SLAMF1: variants seen among roughly 807,000 people sequenced by gnomAD.
SLAMF1 encodes signaling lymphocytic activation molecule family member 1, also known as signaling lymphocytic activation molecule.
In SLAMF1, 18 loss-of-function variants were observed where a neutral mutation model predicts 35.1. The ratio of observed to expected loss-of-function variants is 0.51; its 90% CI spans 0.35 to 0.76. The LOEUF is 0.76. SLAMF1 is among the 30% of genes least tolerant of loss of function. The pLI, the probability that SLAMF1 is intolerant of heterozygous loss-of-function variation, is 0.01. For synonymous variants in SLAMF1, 168 were observed against 157.2 expected (o/e 1.07, Z -0.51); for missense variants, 392 against 413.0 (o/e 0.95, Z 0.44).
At chr1:160,618,069 TCAAAAAACAAAAAA>T (rs66648848) in intron 5 of SLAMF1, among the ~76,000 whole-genome samples, 14 of 151,070 alleles carry the variant, frequency 9.3e-5, no homozygotes, top group Admixed American at 2.6e-4. Context: ...CAAGACTCTG[TCAAAAAACAAAAAA>T]CAAAAAACAA....
Position 160,619,823 on chromosome 1 carries a change from C to T in SLAMF1, c.817G>A (p.Val273Met), listed in dbSNP as rs1411253136. 2 of 1,612,312 alleles carry T rather than the reference C, an allele frequency of 1.2e-6. No homozygotes were observed. Among genetic ancestry groups the T allele is most frequent in the Admixed American group, 1.7e-5 (1 of 60,010 alleles). The change falls in exon 5 of 7, where the codon GTG (valine) becomes ATG (methionine). Residue 273 changes from valine (V) to methionine (M), a missense_variant. Physicochemically the swap from Val to Met is conservative, Grantham distance 21. Transcript: ENST00000302035. ...RGKTNHYQTT[V>M]EKKSLTIYAQ... ...TAGATCGTAAGGCTTTTTTTTTCCACTGTTGTCTGGTAATGGTTCGTTTTA... is the reference window on the plus strand; with the variant it reads ...TAGATCGTAAGGCTTTTTTTTTCCATTGTTGTCTGGTAATGGTTCGTTTTA...
At chr1:160,623,483 G>A (rs989279886) in intron 4 of SLAMF1, 2 of 398,462 alleles carry the variant, frequency 5.0e-6, no homozygotes, top group African/African-American at 4.1e-5. Flanking sequence ...AGTGTTATGA[G>A]GATCAAGTTC....
At chr1:160,639,970 T>G (rs942234948) in intron 1 of SLAMF1, among the ~76,000 whole-genome samples, 2 of 152,086 alleles carry the variant, frequency 1.3e-5, no homozygotes, top group Non-Finnish European at 2.9e-5. Flanking sequence ...TTTCTTCCCT[T>G]CCATACCTGG....
intron 6 of SLAMF1, 44 bp downstream of exon 6, chr1:160,612,444 C>T: frequency 7.6e-7 from 1 of 1,310,422 alleles, no homozygotes; most frequent in Non-Finnish European, 1.1e-6. Context: ...TCCCCTCCTT[C>T]ATGTATTCCC....
chr1:160,637,767 A>G (rs1660534234), intron 1 of SLAMF1, among the ~76,000 whole-genome samples: 1 of 152,206 alleles, frequency 6.6e-6, no homozygotes, highest in African/African-American at 2.4e-5. Flanking sequence ...TAGATTAACT[A>G]GAGTACTGGG....
intron 3 of SLAMF1, among the ~76,000 whole-genome samples, chr1:160,626,277 G>A (rs1266047076): frequency 2.0e-5 from 3 of 152,142 alleles, no homozygotes; most frequent in Non-Finnish European, 4.4e-5. Context: ...CGCGCCCGAC[G>A]CCGGTTGCTC....
At chr1:160,613,784 A>T (rs916619532) in intron 5 of SLAMF1, among the ~76,000 whole-genome samples, 2 of 152,264 alleles carry the variant, frequency 1.3e-5, no homozygotes, top group African/African-American at 4.8e-5. Flanking sequence ...ATTTGCCTAT[A>T]AAGTATCTCA....
At chr1:160,646,114 C>A (rs762626946) in intron 1 of SLAMF1, among the ~76,000 whole-genome samples, 1 of 152,138 alleles carries the variant, frequency 6.6e-6, no homozygotes, top group South Asian at 2.1e-4. Context: ...AAAGCAATAG[C>A]CTGCCTTGGG....
chr1:160,645,721 C>T (rs1206894481), intron 1 of SLAMF1, among the ~76,000 whole-genome samples: 1 of 152,320 alleles, frequency 6.6e-6, no homozygotes, highest in African/African-American at 2.4e-5. Flanking sequence ...TCTTCCTCCC[C>T]TAGACCTTGG....
At chr1:160,640,928 A>G (rs7534295) in intron 1 of SLAMF1, among the ~76,000 whole-genome samples, 4,256 of 152,260 alleles carry the variant, frequency 0.028, 201 homozygotes, top group African/African-American at 0.097. Context: ...TTACATTAAT[A>G]TACTGGGAAG....
intron 1 of SLAMF1, among the ~76,000 whole-genome samples, chr1:160,646,494 C>T (rs1661045660): frequency 6.6e-6 from 1 of 152,336 alleles, no homozygotes; most frequent in Admixed American, 6.5e-5. Context: ...TCTCCCAGAG[C>T]TCAGTCCATC....
rs183489522 is a variant in SLAMF1 at position 160,635,274 on chromosome 1, A to G, written c.416-377T>C. On this transcript the variant is annotated intron_variant, in intron 2 of 6. Coordinates refer to ENST00000302035, the MANE Select transcript of SLAMF1 (RefSeq NM_003037.5). Reference sequence around the variant, plus strand: ...TACGTTGTTACTTCCTAGACCTAAAAGAATGGCTTTTTAGTGGTGGGATTT... The same window carrying G: ...TACGTTGTTACTTCCTAGACCTAAAGGAATGGCTTTTTAGTGGTGGGATTT... 1.8e-3 allele frequency among the ~76,000 whole-genome samples: 281 copies of G among 152,286 alleles called. 1 individual carries two copies. The highest frequency in any genetic ancestry group is 5.9e-3 in the African/African-American group (244 of 41,552).
At position 160,610,038 on chromosome 1, in the gene SLAMF1, C is replaced by T. The variant is rs888648684; in HGVS notation, c.*710G>A. On this transcript the variant is annotated 3_prime_UTR_variant, in exon 7 of 7. Coordinates refer to ENST00000302035, the MANE Select transcript of SLAMF1 (RefSeq NM_003037.5). ...TTTCTTTAAAACTGAATGCCATTTG[C>T]ACAGAACTGTACTTTTAAGGCTCTT... 2.1e-5 allele frequency: 5 copies of T among 241,990 alleles called. No homozygotes were observed. The highest frequency in any genetic ancestry group is 1.2e-4 in the African/African-American group (5 of 43,030). 15.0% of individuals were successfully genotyped at this position (241,990 alleles called of 1,614,324 possible).
At chr1:160,645,321 G>T (rs1261054890) in intron 1 of SLAMF1, among the ~76,000 whole-genome samples, 1 of 152,176 alleles carries the variant, frequency 6.6e-6, no homozygotes, top group African/African-American at 2.4e-5. Context: ...TCACAAAAGG[G>T]TGTGTATTTA....
chr1:160,614,946 T>C (rs575194514), intron 5 of SLAMF1, among the ~76,000 whole-genome samples: 3 of 152,310 alleles, frequency 2.0e-5, no homozygotes, highest in Non-Finnish European at 2.9e-5. Context: ...TATTTTCACA[T>C]AATTTTTGTG....
At chr1:160,641,612 C>T (rs908597394) in intron 1 of SLAMF1, among the ~76,000 whole-genome samples, 5 of 151,964 alleles carry the variant, frequency 3.3e-5, no homozygotes, top group Admixed American at 1.3e-4. Context: ...AGGAAGAGAC[C>T]CTTATACCCC....
At chr1:160,623,738 T>G (rs1158229783) in intron 4 of SLAMF1, among the ~76,000 whole-genome samples, 1 of 152,202 alleles carries the variant, frequency 6.6e-6, no homozygotes, top group Admixed American at 6.5e-5. Context: ...TGAGATCCAA[T>G]AATTTTCTGA....
At chr1:160,631,811 C>A (rs555575180) in intron 3 of SLAMF1, among the ~76,000 whole-genome samples, 2 of 152,238 alleles carry the variant, frequency 1.3e-5, no homozygotes, top group Admixed American at 1.3e-4. Flanking sequence ...AAACTTCTAG[C>A]CTCCAGAACC....
At chr1:160,624,733 A>C (rs192506359) in intron 3 of SLAMF1, among the ~76,000 whole-genome samples, 96 of 152,370 alleles carry the variant, frequency 6.3e-4, no homozygotes, top group Non-Finnish European at 1.1e-3. Context: ...GAAAGTATTT[A>C]GTCTTTCCTC....
Sources: allele counts gnomAD v4.1 joint callset (sites outside exome capture counted in the v4.1 genomes callset), GRCh38; gene constraint gnomAD v4.1.1; transcripts MANE v1.5; gene names NCBI Gene and HGNC (gene_info 2026-07-23, HGNC 2026-07-21).